WDFY4: variants seen among roughly 807,000 people sequenced by gnomAD.
The protein encoded by WDFY4 is WD repeat- and FYVE domain-containing protein 4.
In WDFY4, 169 loss-of-function variants were observed where a neutral mutation model predicts 351.9. That is an observed-to-expected ratio of 0.48 (90% confidence interval 0.42 to 0.55). The LOEUF is 0.55. Among genes scored for constraint, WDFY4 ranks in the 20% least tolerant of loss-of-function variants. WDFY4 has a pLI of 0.00. For synonymous variants in WDFY4, 1,622 were observed against 1,574.6 expected, an observed-to-expected ratio of 1.03 and a Z score of -0.71; for missense variants, 3,803 against 3,935.6, an observed-to-expected ratio of 0.97 and a Z score of 0.90.
chr10:48,779,913 G>A (rs1487504844), intron 18 of WDFY4, 28 bp from the exon 19 acceptor site: 2 of 1,550,394 alleles, frequency 1.3e-6, no homozygotes, highest in Non-Finnish European at 1.7e-6. Flanking sequence ...CACCACACGT[G>A]AGACTCAGTG....
chr10:48,873,623 G>A lies in WDFY4; in HGVS notation c.6874G>A (p.Glu2292Lys), dbSNP rs2069871352. ...TTCCCCATGGGAACTCGACTGGAGA[G>A]AAGGACCAGCTCGAATGAGGAAACG... ...PCSPWELDWR[E>K]GPARMRKRIK... is the part of the protein sequence containing the mutation. The change falls in exon 41 of 62, where the codon GAA becomes AAA. Residue 2292 changes from glutamate (E) to lysine (K), a missense_variant. Around this residue, in one of 3 missense-constraint regions of WDFY4, gnomAD observed 3,054 missense variants for 3,148.6 expected, o/e 0.97. Transcript: ENST00000325239. The A allele has an allele frequency of 6.4e-7, 1 of 1,551,862 alleles. No homozygotes were observed. Among genetic ancestry groups the A allele is most frequent in the African/African-American group, 1.4e-5 (1 of 73,194 alleles).
At chr10:48,859,353 G>C (rs2069255010) in intron 39 of WDFY4, among the ~76,000 whole-genome samples, 1 of 152,154 alleles carries the variant, frequency 6.6e-6, no homozygotes, top group African/African-American at 2.4e-5. Context: ...TAGCTGTAGA[G>C]TTTTCGTAGA....
chr10:48,962,663 A>G (rs1841913838), intron 53 of WDFY4, among the ~76,000 whole-genome samples: 1 of 152,122 alleles, frequency 6.6e-6, no homozygotes, highest in Non-Finnish European at 1.5e-5. Flanking sequence ...TCTTTGGATG[A>G]CACCTTTTAT....
chr10:48,854,987 C>A (rs2069087647), intron 39 of WDFY4, among the ~76,000 whole-genome samples: 1 of 151,948 alleles, frequency 6.6e-6, no homozygotes, highest in African/African-American at 2.4e-5. Flanking sequence ...TTGTAATGCT[C>A]ATAATGATTG....
chr10:48,697,837 C>T (rs956709807), intron 1 of WDFY4, among the ~76,000 whole-genome samples: 2 of 152,208 alleles, frequency 1.3e-5, no homozygotes, highest in Non-Finnish European at 2.9e-5. Flanking sequence ...TGCTGGCCTC[C>T]CTTTTCTGGT....
intron 39 of WDFY4, among the ~76,000 whole-genome samples, chr10:48,843,068 A>G (rs1212994297): frequency 6.6e-6 from 1 of 152,264 alleles, no homozygotes; most frequent in Non-Finnish European, 1.5e-5. Context: ...TCATCCAGGT[A>G]ACAACCACTG....
intron 13 of WDFY4, among the ~76,000 whole-genome samples, chr10:48,762,355 C>T (rs535550974): frequency 1.9e-4 from 29 of 152,328 alleles, no homozygotes; most frequent in East Asian, 1.2e-3. Context: ...GGGGAATGGA[C>T]TTCTTGTTCC....
rs1160564596 is a variant in WDFY4 at position 48,783,718 on chromosome 10, TTCATTTAACCTC to T, written c.3577-2909_3577-2898del. 5.9e-5 allele frequency among the ~76,000 whole-genome samples: 9 copies of T among 152,308 alleles called. No homozygotes were observed. The South Asian group carries it at 1.2e-3, about 21-fold the overall frequency. ...ATAGAAAATCTTGTATACTGCTTAG[TTCATTTAACCTC>T]TCATTTAACCTAACACTTAGGCTAT... On this transcript the variant is annotated intron_variant, in intron 19 of 61. Coordinates refer to ENST00000325239, the MANE Select transcript of WDFY4 (RefSeq NM_001394531.1).
chr10:48,716,422 G>T (rs10857624), intron 2 of WDFY4, among the ~76,000 whole-genome samples: 33,336 of 152,168 alleles, frequency 0.22, 4,942 homozygotes, highest in East Asian at 0.64. Context: ...CTTAGATAAT[G>T]TTAGCAAATA....
rs1842866703 is a variant in WDFY4 at position 48,982,922 on chromosome 10, C to A, written c.*347C>A. On this transcript the variant is annotated 3_prime_UTR_variant, in exon 62 of 62. Coordinates refer to ENST00000325239, the MANE Select transcript of WDFY4 (RefSeq NM_001394531.1). ...CGCTTACTGGAAATTATTGTATTGTCTTTATTTTATTAAAGCAACTATGTT... is the reference window on the plus strand; with the variant it reads ...CGCTTACTGGAAATTATTGTATTGTATTTATTTTATTAAAGCAACTATGTT... 9 of 361,882 alleles carry A rather than the reference C, an allele frequency of 2.5e-5. No homozygotes were observed. The highest frequency in any genetic ancestry group is 3.3e-5 in the Non-Finnish European group (6 of 183,202). The allele number at this position is 361,882 out of a possible 1,614,324, so 22.4% of individuals were successfully genotyped here.
At chr10:48,934,183 C>T (rs1043942431) in intron 47 of WDFY4, among the ~76,000 whole-genome samples, 9 of 152,188 alleles carry the variant, frequency 5.9e-5, no homozygotes, top group African/African-American at 2.2e-4. Flanking sequence ...GAGTGTTGTT[C>T]CATACTTGGT....
At chr10:48,890,027 C>G (rs1479687260) in intron 43 of WDFY4, among the ~76,000 whole-genome samples, 1 of 152,212 alleles carries the variant, frequency 6.6e-6, no homozygotes, top group Non-Finnish European at 1.5e-5. Flanking sequence ...GGGAAATGCT[C>G]ACCTCGGTCC....
intron 5 of WDFY4, among the ~76,000 whole-genome samples, chr10:48,724,343 G>C (rs113031671): frequency 2.0e-5 from 3 of 152,182 alleles, no homozygotes; most frequent in Non-Finnish European, 4.4e-5. Flanking sequence ...GTCCACATTG[G>C]CATCCACATT....
intron 39 of WDFY4, among the ~76,000 whole-genome samples, chr10:48,837,041 G>GA (rs1444850574): frequency 6.6e-6 from 1 of 152,084 alleles, no homozygotes; most frequent in African/African-American, 2.4e-5. Flanking sequence ...AACTTTATAG[G>GA]AAAACAGGTG....
At position 48,760,253 on chromosome 10, in the gene WDFY4, A is replaced by T; in HGVS notation, c.2460-94A>T. On this transcript the variant is annotated intron_variant, in intron 12 of 61. Coordinates refer to ENST00000325239, the MANE Select transcript of WDFY4 (RefSeq NM_001394531.1). Reference sequence around the variant, plus strand: ...GTAATAAGACAGGATGTGTACCATGATCTGTCTTAGAAAGAAAGATCCAGG... The same window carrying T: ...GTAATAAGACAGGATGTGTACCATGTTCTGTCTTAGAAAGAAAGATCCAGG... 2.7e-6 allele frequency: 3 copies of T among 1,117,926 alleles called. No individual in the cohort carries two copies. In the South Asian group the frequency reaches 4.2e-5, roughly 16 times the overall value. 69.3% of individuals were successfully genotyped at this position (1,117,926 alleles called of 1,614,324 possible).
At chr10:48,870,330 G>A (rs2133267956) in intron 40 of WDFY4, among the ~76,000 whole-genome samples, 1 of 152,264 alleles carries the variant, frequency 6.6e-6, no homozygotes, top group South Asian at 2.1e-4. Context: ...GATGACAGGA[G>A]CTCAAGGCCA....
At chr10:48,757,210 C>A (rs1248683033) in intron 12 of WDFY4, among the ~76,000 whole-genome samples, 2 of 152,086 alleles carry the variant, frequency 1.3e-5, no homozygotes, top group East Asian at 3.8e-4. Flanking sequence ...TTTGAAGGAA[C>A]AATTACTGAG....
At chr10:48,968,997 C>G in intron 55 of WDFY4, 67 bp from the exon 56 acceptor site, 2 of 1,499,912 alleles carry the variant, frequency 1.3e-6, no homozygotes, top group Non-Finnish European at 1.8e-6. Context: ...TGACTCCTGC[C>G]TGGGGGCCCA....
chr10:48,943,449 G>C lies in WDFY4; in HGVS notation c.7749G>C (p.Glu2583Asp). Residue 2583 changes from glutamate (E) to aspartate (D), a missense_variant and splice_region_variant, in exon 49 of 62, where the codon GAG (glutamate) becomes GAC (aspartate). Coordinates refer to ENST00000325239, the MANE Select transcript of WDFY4 (RefSeq NM_001394531.1). ...GGGTCCTCGCAGACTACACCTCAGA[G>C]GTAAGTTCCTCACGTGGAAACCACA... ...FPWVLADYTS[E>D]TLNLANPKIF... 6.4e-7 allele frequency: 1 copy of C among 1,551,380 alleles called. No homozygotes were observed. The highest frequency in any genetic ancestry group is 8.7e-7 in the Non-Finnish European group (1 of 1,146,690).
Sources: allele counts gnomAD v4.1 joint callset (sites outside exome capture counted in the v4.1 genomes callset), GRCh38; gene constraint gnomAD v4.1.1; regional missense constraint gnomAD v4.1.1; transcripts MANE v1.5; gene names NCBI Gene and HGNC (gene_info 2026-07-23, HGNC 2026-07-21).